Variants in MTMR6 observed in about 807,000 individuals in gnomAD.
MTMR6 encodes myotubularin related protein 6, also known as phosphatidylinositol-3,5-bisphosphate 3-phosphatase MTMR6.
Under a neutral mutation model 80.1 loss-of-function variants are expected in MTMR6, and 47 were observed. That is an observed-to-expected ratio of 0.59 (90% CI 0.46 to 0.75). MTMR6 has a LOEUF of 0.75. MTMR6 is among the 30% of genes least tolerant of loss of function. MTMR6 has a pLI of 0.00. For missense variants in MTMR6, 629 were observed against 730.9 expected, an observed-to-expected ratio of 0.86 and a Z score of 1.61; for synonymous variants, 254 against 253.0, an observed-to-expected ratio of 1.00 and a Z score of -0.04.
At chr13:25,281,713 TC>T (rs1957850928) in intron 1 of MTMR6, among the ~76,000 whole-genome samples, 1 of 152,164 alleles carries the variant, frequency 6.6e-6, no homozygotes, top group Non-Finnish European at 1.5e-5. Context: ...CATCTAGGAC[TC>T]TCAGAATCAT....
chr13:25,251,920 G>A lies in MTMR6; in HGVS notation c.1411C>T (p.Pro471Ser). 6.2e-7 allele frequency: 1 copy of A among 1,609,748 alleles called. No individual in the cohort carries two copies. Among genetic ancestry groups the A allele is most frequent in the Non-Finnish European group, 8.5e-7 (1 of 1,178,464 alleles). ...LLEDQKKYLN[P>S]LYSSESHRFT... is the part of the protein sequence containing the mutation. ...CTGTGAGATTCGGAACTGTAGAGAG[G>A]ATTTAAGTACTTCTTTTGGTCTTCC... Residue 471 changes from proline to serine, a missense_variant, in exon 12 of 14, where the codon CCT becomes TCT. Physicochemically the swap from Pro to Ser is moderately conservative, Grantham distance 74 (BLOSUM62 -1). Transcript: ENST00000381801. The surrounding 1 kb of genome is among the most constrained non-coding windows in gnomAD (Gnocchi z 4.1).
chr13:25,265,099 C>T lies in MTMR6; in HGVS notation c.591+720G>A, dbSNP rs114546325. Among the ~76,000 whole-genome samples, 1,139 of 152,248 alleles carry T rather than the reference C, an allele frequency of 7.5e-3. 18 individuals carry two copies. The highest frequency in any genetic ancestry group is 0.025 in the African/African-American group (1,054 of 41,542). ...ATTACAGCATCTCACTATAAAGATG[C>T]CTCCTCCACTGTTTCATGTTGCAAA... On this transcript the variant is annotated intron_variant, in intron 5 of 13. Coordinates refer to ENST00000381801, the MANE Select transcript of MTMR6 (RefSeq NM_004685.5).
intron 1 of MTMR6, 116 bp downstream of exon 1, chr13:25,287,108 G>A: frequency 1.4e-6 from 2 of 1,443,774 alleles, no homozygotes; most frequent in South Asian, 1.2e-5. Flanking sequence ...GCCCCGGGCC[G>A]GGTCTCCGCC....
chr13:25,273,678 G>A (rs920401254), intron 2 of MTMR6, among the ~76,000 whole-genome samples: 3 of 151,648 alleles, frequency 2.0e-5, no homozygotes, highest in African/African-American at 4.9e-5. Context: ...GGCACCCATC[G>A]CCATGCCCAG....
intron 6 of MTMR6, among the ~76,000 whole-genome samples, chr13:25,261,422 T>C (rs1957338854): frequency 6.7e-6 from 1 of 150,148 alleles, no homozygotes; most frequent in South Asian, 2.1e-4. Flanking sequence ...GTTCTCAATA[T>C]ACAATTCAGC....
intron 1 of MTMR6, among the ~76,000 whole-genome samples, chr13:25,278,518 C>T (rs1444086760): frequency 3.3e-5 from 5 of 151,784 alleles, no homozygotes; most frequent in South Asian, 2.1e-4. Flanking sequence ...GTCAGGAGTT[C>T]GAAACCAGCC....
chr13:25,285,228 A>G (rs768341344), intron 1 of MTMR6, among the ~76,000 whole-genome samples: 1 of 152,252 alleles, frequency 6.6e-6, no homozygotes, highest in East Asian at 1.9e-4. Context: ...AAATAAAAAC[A>G]AAGATATATA....
intron 5 of MTMR6, among the ~76,000 whole-genome samples, chr13:25,262,713 A>G (rs138181128): frequency 6.6e-6 from 1 of 152,252 alleles, no homozygotes; most frequent in African/African-American, 2.4e-5. Context: ...ATTTAGATCC[A>G]TATACTTTTT....
intron 1 of MTMR6, among the ~76,000 whole-genome samples, chr13:25,286,582 AG>A (rs774794954): frequency 6.6e-6 from 1 of 152,252 alleles, no homozygotes; most frequent in Non-Finnish European, 1.5e-5. Context: ...GAGTGCAATA[AG>A]GTCAATCGAA....
intron 5 of MTMR6, among the ~76,000 whole-genome samples, chr13:25,264,753 C>CAAAAA (rs769719876): frequency 8.1e-4 from 27 of 33,366 alleles, no homozygotes; most frequent in Non-Finnish European, 1.1e-3. Flanking sequence ...AACTCCATCT[C>CAAAAA]AAAAAAAAAA....
intron 1 of MTMR6, among the ~76,000 whole-genome samples, chr13:25,282,604 CTTTTTTCTTTTTTT>C (rs1387252706): frequency 6.8e-6 from 1 of 146,218 alleles, no homozygotes; most frequent in African/African-American, 2.5e-5. Context: ...TTTCTTTTTT[CTTTTTTCTTTTTTT>C]TTTTTTGAGA....
intron 1 of MTMR6, among the ~76,000 whole-genome samples, chr13:25,281,213 T>C (rs2137632345): frequency 6.6e-6 from 1 of 152,284 alleles, no homozygotes; most frequent in East Asian, 1.9e-4. Context: ...GGCATGCTCC[T>C]GCAGACCCAG....
chr13:25,279,092 C>T (rs1456043478), intron 1 of MTMR6, among the ~76,000 whole-genome samples: 2 of 152,136 alleles, frequency 1.3e-5, no homozygotes, highest in South Asian at 2.1e-4. Flanking sequence ...AATCTCTTTT[C>T]AGAAAGCTAC....
intron 5 of MTMR6, among the ~76,000 whole-genome samples, chr13:25,265,571 G>A (rs957907679): frequency 3.2e-4 from 49 of 151,826 alleles, no homozygotes; most frequent in Admixed American, 2.9e-3. Flanking sequence ...GCAAAACCTC[G>A]TCTCTACTAA....
intron 1 of MTMR6, among the ~76,000 whole-genome samples, chr13:25,280,910 A>G (rs928007879): frequency 2.6e-5 from 4 of 152,244 alleles, no homozygotes; most frequent in Non-Finnish European, 5.9e-5. Context: ...ATTGTTGCCA[A>G]CTATGGGCCT....
At chr13:25,277,181 C>T (rs1957744908) in intron 1 of MTMR6, among the ~76,000 whole-genome samples, 1 of 152,216 alleles carries the variant, frequency 6.6e-6, no homozygotes. Context: ...AAGTCACCCA[C>T]ACTGGAAATC....
rs1400533013 is a variant in MTMR6 at position 25,246,297 on chromosome 13, T to C, written c.*2935A>G. The C allele has an allele frequency of 6.6e-6, 1 of 152,668 alleles. No homozygotes were observed. Among genetic ancestry groups the C allele is most frequent in the Non-Finnish European group, 1.5e-5 (1 of 68,056 alleles). The allele number at this position is 152,668 out of a possible 1,614,324, so 9.5% of individuals were successfully genotyped here. A position where few individuals can be genotyped will look rare whatever the true frequency, so the allele number is the denominator to read the frequency against. On this transcript the variant is annotated 3_prime_UTR_variant, in exon 14 of 14. Coordinates refer to ENST00000381801, the MANE Select transcript of MTMR6 (RefSeq NM_004685.5). ...TTTTCTTATATCAAGTACAATGGTA[T>C]ATATACTTTTTTTTGAGATAATTAT... is the stretch of plus-strand genomic sequence containing the variant.
Position 25,262,944 on chromosome 13 carries a change from G to A in MTMR6, c.592-1142C>T, listed in dbSNP as rs549583209. Among the ~76,000 whole-genome samples, 60 of 152,300 alleles carry A rather than the reference G, an allele frequency of 3.9e-4. 1 individual carries two copies. In the South Asian group the frequency reaches 0.012, roughly 32 times the overall value. ...TACACATATGGCTGTGTCAAGAGAG[G>A]CCATAACCATTTAACCTCTCTGTGA... is the stretch of plus-strand genomic sequence containing the variant. On this transcript the variant is annotated intron_variant, in intron 5 of 13. Coordinates refer to ENST00000381801, the MANE Select transcript of MTMR6 (RefSeq NM_004685.5).
chr13:25,278,857 C>G (rs1392434428), intron 1 of MTMR6, among the ~76,000 whole-genome samples: 1 of 152,104 alleles, frequency 6.6e-6, no homozygotes, highest in Non-Finnish European at 1.5e-5. Flanking sequence ...TGCACTCCAG[C>G]TTGAGTGACA....
Sources: gnomAD v4.1 joint callset for allele counts (sites outside exome capture counted in the v4.1 genomes callset) on GRCh38, gnomAD v4.1.1 for gene constraint, Gnocchi (gnomAD v3.1) non-coding constraint, MANE v1.5 for transcripts, NCBI Gene and HGNC (gene_info 2026-07-23, HGNC 2026-07-21) for gene names.